KDM2A: variants seen among roughly 807,000 people sequenced by gnomAD.
The protein encoded by KDM2A is lysine-specific demethylase 2A.
Under a neutral mutation model 137.3 loss-of-function variants are expected in KDM2A, and 3 were observed. That is an observed-to-expected ratio of 0.02 (90% CI 0.01 to 0.06). The LOEUF is 0.06. Ranked by LOEUF, KDM2A falls within the 10% of genes least tolerant of loss-of-function variation. The probability of loss-of-function intolerance (pLI) is 1.00; values close to 1 mark genes in which losing one functional copy is unlikely to be tolerated. For missense variants in KDM2A, 738 were observed against 1,510.6 expected (o/e 0.49, Z 8.48); for synonymous variants, 512 against 541.5 (o/e 0.95, Z 0.76).
intron 5 of KDM2A, among the ~76,000 whole-genome samples, chr11:67,192,429 A>ATTTT (rs1857378095): frequency 1.3e-5 from 1 of 75,704 alleles, no homozygotes; most frequent in Admixed American, 1.5e-4. Context: ...CTTTGTTTCC[A>ATTTT]TTTCTTTTTT....
intron 6 of KDM2A, among the ~76,000 whole-genome samples, chr11:67,214,816 A>G (rs1467885375): frequency 6.6e-6 from 1 of 152,196 alleles, no homozygotes; most frequent in Non-Finnish European, 1.5e-5. Context: ...TATAGTCTTG[A>G]AAAGACATGA....
intron 2 of KDM2A, among the ~76,000 whole-genome samples, chr11:67,132,942 G>A (rs1565371486): frequency 6.6e-6 from 1 of 152,128 alleles, no homozygotes; most frequent in Non-Finnish European, 1.5e-5. Context: ...GAAATGGAAA[G>A]GAAGAGATAG....
intron 5 of KDM2A, among the ~76,000 whole-genome samples, chr11:67,191,754 A>G (rs1370555234): frequency 6.6e-6 from 1 of 152,250 alleles, no homozygotes; most frequent in African/African-American, 2.4e-5. Context: ...GTGAAACACC[A>G]AAAGCATTTA....
chr11:67,132,529 C>T (rs902668250), intron 2 of KDM2A, among the ~76,000 whole-genome samples: 11 of 152,132 alleles, frequency 7.2e-5, no homozygotes, highest in Non-Finnish European at 7.3e-5. Flanking sequence ...TCAAATGATC[C>T]GCCTGCCTCG....
chr11:67,230,575 A>ATGAT (rs1858679642), intron 11 of KDM2A, among the ~76,000 whole-genome samples: 1 of 151,284 alleles, frequency 6.6e-6, no homozygotes, highest in Non-Finnish European at 1.5e-5. Flanking sequence ...GCAGTGAGCC[A>ATGAT]TGATTGCATC....
At chr11:67,198,555 A>G (rs1172392103) in intron 5 of KDM2A, among the ~76,000 whole-genome samples, 1 of 151,790 alleles carries the variant, frequency 6.6e-6, no homozygotes, top group Non-Finnish European at 1.5e-5. Context: ...CTAAAAACAC[A>G]AAAAATTAGC....
intron 2 of KDM2A, among the ~76,000 whole-genome samples, chr11:67,131,202 T>C (rs1398145656): frequency 2.6e-5 from 4 of 151,792 alleles, no homozygotes; most frequent in African/African-American, 9.7e-5. Context: ...TGCACGCCTG[T>C]AGTCCCAGCT....
At chr11:67,244,519 A>AG (rs1859146264) in intron 13 of KDM2A, among the ~76,000 whole-genome samples, 1 of 150,944 alleles carries the variant, frequency 6.6e-6, no homozygotes, top group African/African-American at 2.4e-5. Flanking sequence ...AAGCTCAGGG[A>AG]GGGGTGAATC....
chr11:67,206,978 G>A (rs1045520935), intron 5 of KDM2A, among the ~76,000 whole-genome samples: 5 of 152,176 alleles, frequency 3.3e-5, no homozygotes, highest in Non-Finnish European at 7.3e-5. Flanking sequence ...CATGGGCTAG[G>A]ATATTAGCAA....
At chr11:67,225,306 A>C (rs549530601) in intron 10 of KDM2A, among the ~76,000 whole-genome samples, 3 of 152,338 alleles carry the variant, frequency 2.0e-5, no homozygotes, top group East Asian at 3.9e-4. Context: ...GAAAATGTCA[A>C]ATCCTAGAAA....
intron 2 of KDM2A, among the ~76,000 whole-genome samples, chr11:67,142,755 T>A (rs1856142901): frequency 6.6e-6 from 1 of 151,922 alleles, no homozygotes; most frequent in South Asian, 2.1e-4. Context: ...ATGTATTTGT[T>A]TTTCTGTGTT....
In KDM2A at chr11:67,204,352, T is replaced by C. The variant is rs532782334; in HGVS notation, c.308-3158T>C. 2.6e-5 allele frequency among the ~76,000 whole-genome samples: 4 copies of C among 152,254 alleles called. No homozygotes were observed. In the East Asian group the frequency reaches 7.7e-4, roughly 29 times the overall value. ...CATACCTTTGAGCAGTCATTCTCCG[T>C]TTTCTCCTCCACTTAACTCCTGGCA... On this transcript the variant is annotated intron_variant, in intron 5 of 20. Coordinates refer to ENST00000529006, the MANE Select transcript of KDM2A (RefSeq NM_012308.3).
rs1857055920 is a variant in KDM2A at position 67,180,065 on chromosome 11, C to T, written c.43-14C>T. ...AAGTGCATGATTTCATCAGTATGTT[C>T]CTTTCTTTCCTAGCGTGGTACCATG... On this transcript the variant is annotated splice_polypyrimidine_tract_variant and intron_variant, in intron 2 of 20. Coordinates refer to ENST00000529006, the MANE Select transcript of KDM2A (RefSeq NM_012308.3). 1 of 1,607,508 alleles carries T rather than the reference C, an allele frequency of 6.2e-7. No homozygotes were observed. Among genetic ancestry groups the T allele is most frequent in the Admixed American group, 1.7e-5 (1 of 58,806 alleles).
chr11:67,219,616 G>A (rs1858274315), intron 10 of KDM2A: 4 of 267,918 alleles, frequency 1.5e-5, no homozygotes, highest in Admixed American at 5.5e-5. Flanking sequence ...GTGCAGTGGC[G>A]TGATCATGGA....
intron 2 of KDM2A, among the ~76,000 whole-genome samples, chr11:67,154,207 T>C (rs1856465491): frequency 6.6e-6 from 1 of 152,220 alleles, no homozygotes; most frequent in Non-Finnish European, 1.5e-5. Context: ...ATGTACCAAA[T>C]CTGGCTCGTC....
chr11:67,141,682 A>AATATAT (rs200949810), intron 2 of KDM2A, among the ~76,000 whole-genome samples: 1 of 119,344 alleles, frequency 8.4e-6, no homozygotes, highest in Non-Finnish European at 1.6e-5. Context: ...AAAAAAAAAA[A>AATATAT]ATATATATAT....
At chr11:67,219,889 G>A (rs989346546) in intron 10 of KDM2A, among the ~76,000 whole-genome samples, 76 of 152,046 alleles carry the variant, frequency 5.0e-4, no homozygotes, top group African/African-American at 1.6e-3. Context: ...CTCCGTTTTA[G>A]GGACTCCAAT....
intron 2 of KDM2A, among the ~76,000 whole-genome samples, chr11:67,158,520 C>A (rs1856569522): frequency 6.6e-6 from 1 of 152,190 alleles, no homozygotes; most frequent in Non-Finnish European, 1.5e-5. Flanking sequence ...TGTATTCTGA[C>A]CAGCAGTGAA....
intron 6 of KDM2A, among the ~76,000 whole-genome samples, chr11:67,214,373 T>A (rs1858093961): frequency 6.6e-6 from 1 of 151,950 alleles, no homozygotes; most frequent in Non-Finnish European, 1.5e-5. Context: ...CCTGGCTAAT[T>A]TTTTGTATTT....
Sources: allele counts gnomAD v4.1 joint callset (sites outside exome capture counted in the v4.1 genomes callset), GRCh38; gene constraint gnomAD v4.1.1; transcripts MANE v1.5; gene names NCBI Gene and HGNC (gene_info 2026-07-23, HGNC 2026-07-21).